The following SAMSN1 variants were observed in gnomAD, a reference collection of about 807,000 sequenced individuals.
SAMSN1 encodes the protein SAM domain, SH3 domain and nuclear localization signals 1, also known as SAM domain-containing protein SAMSN-1.
A neutral mutation model predicts 42.0 loss-of-function variants in SAMSN1; 31 were observed. That is an observed-to-expected ratio of 0.74 (90% CI 0.55 to 1.00). The LOEUF is 1.00. SAMSN1 is among the 50% of genes least tolerant of loss of function. The pLI is 0.00. For missense variants in SAMSN1, 464 were observed against 439.4 expected, an observed-to-expected ratio of 1.06 and a Z score of -0.50; for synonymous variants, 178 against 151.9, an observed-to-expected ratio of 1.17 and a Z score of -1.26.
At chr21:14,625,180 G>T (rs992629211) in intron 2 of SAMSN1, among the ~76,000 whole-genome samples, 2 of 152,036 alleles carry the variant, frequency 1.3e-5, no homozygotes, top group African/African-American at 4.8e-5. Flanking sequence ...CATACTGAAT[G>T]GGCAAAAACT....
At chr21:14,657,899 C>T (rs1018061272) in intron 1 of SAMSN1, among the ~76,000 whole-genome samples, 1 of 151,762 alleles carries the variant, frequency 6.6e-6, no homozygotes, top group Non-Finnish European at 1.5e-5. Flanking sequence ...TATGTCAGCA[C>T]CATCTCTACT....
chr21:14,560,827 A>G (rs148689702), intron 2 of SAMSN1, among the ~76,000 whole-genome samples: 5 of 152,318 alleles, frequency 3.3e-5, no homozygotes, highest in African/African-American at 4.8e-5. Flanking sequence ...GCTCTACGCT[A>G]TTGAGCATAG....
chr21:14,593,174 G>C (rs976725751), intron 7 of SAMSN1, among the ~76,000 whole-genome samples: 3 of 152,050 alleles, frequency 2.0e-5, no homozygotes, highest in South Asian at 2.1e-4. Flanking sequence ...GGGGAAGAGA[G>C]AGCTATAAAT....
chr21:14,535,689 G>A (rs1305650162), intron 1 of SAMSN1, among the ~76,000 whole-genome samples: 1 of 152,106 alleles, frequency 6.6e-6, no homozygotes, highest in East Asian at 1.9e-4. Context: ...ATGATGTTTG[G>A]ACACACAGAG....
chr21:14,532,208 C>G (rs1345869189), intron 1 of SAMSN1, among the ~76,000 whole-genome samples: 2 of 152,154 alleles, frequency 1.3e-5, no homozygotes, highest in Non-Finnish European at 2.9e-5. Flanking sequence ...AATAATAAAA[C>G]TGACAGAAAG....
At chr21:14,601,372 C>A (rs138535273) in intron 6 of SAMSN1, among the ~76,000 whole-genome samples, 2,091 of 152,276 alleles carry the variant, frequency 0.014, 15 homozygotes, top group Non-Finnish European at 0.023. Flanking sequence ...CTCACCAAAT[C>A]AGCACTTTAT....
intron 7 of SAMSN1, among the ~76,000 whole-genome samples, chr21:14,487,823 T>C (rs776751755): frequency 3.3e-5 from 5 of 152,130 alleles, no homozygotes; most frequent in Non-Finnish European, 7.4e-5. Flanking sequence ...TTATAACTAG[T>C]TCTAGATATA....
At chr21:14,489,220 G>A (rs978492817) in intron 7 of SAMSN1, among the ~76,000 whole-genome samples, 10 of 152,118 alleles carry the variant, frequency 6.6e-5, no homozygotes, top group African/African-American at 2.2e-4. Flanking sequence ...AATCATCTGG[G>A]CTAACCAGGC....
intron 5 of SAMSN1, among the ~76,000 whole-genome samples, chr21:14,502,887 C>T (rs2123696437): frequency 6.6e-6 from 1 of 152,160 alleles, no homozygotes; most frequent in South Asian, 2.1e-4. Context: ...TATAAATACT[C>T]CATAATATAT....
chr21:14,643,210 C>T (rs1017370237), intron 1 of SAMSN1: 14 of 689,244 alleles, frequency 2.0e-5, no homozygotes, highest in Non-Finnish European at 3.8e-5. Context: ...TTTATACACC[C>T]ACCTTTATAT....
chr21:14,522,489 A>T (rs1216980136), intron 1 of SAMSN1, among the ~76,000 whole-genome samples: 1 of 152,220 alleles, frequency 6.6e-6, no homozygotes, highest in African/African-American at 2.4e-5. Flanking sequence ...TTAGAAAATT[A>T]ATAATGGGAG....
intron 1 of SAMSN1, among the ~76,000 whole-genome samples, chr21:14,533,923 A>G (rs1979428980): frequency 6.6e-6 from 1 of 152,218 alleles, no homozygotes; most frequent in Non-Finnish European, 1.5e-5. Flanking sequence ...CTGTCCAGCC[A>G]AAAGGGATTT....
chr21:14,550,283 T>C (rs769721865), upstream of SAMSN1, among the ~76,000 whole-genome samples: 158 of 152,202 alleles, frequency 1.0e-3, no homozygotes, highest in Non-Finnish European at 2.0e-3. Flanking sequence ...AGTTCCTGTT[T>C]ACTAATTCCT....
chr21:14,641,891 C>T (rs1293042235), intron 2 of SAMSN1, among the ~76,000 whole-genome samples: 3 of 152,116 alleles, frequency 2.0e-5, no homozygotes, highest in African/African-American at 7.2e-5. Flanking sequence ...AAAAACTTTA[C>T]TAATAGTCTA....
intron 2 of SAMSN1, among the ~76,000 whole-genome samples, chr21:14,581,526 T>G (rs1981730388): frequency 6.6e-6 from 1 of 150,800 alleles, no homozygotes; most frequent in Non-Finnish European, 1.5e-5. Flanking sequence ...GCCCGGCTAA[T>G]TTTTTTGTAT....
chr21:14,501,720 G>A, intron 5 of SAMSN1, among the ~76,000 whole-genome samples: 1 of 152,106 alleles, frequency 6.6e-6, no homozygotes, highest in Admixed American at 6.5e-5. Flanking sequence ...GTACACTAAG[G>A]ATAAATTATG....
intron 1 of SAMSN1, among the ~76,000 whole-genome samples, chr21:14,525,566 C>T (rs368565857): frequency 1.5e-3 from 226 of 152,154 alleles, no homozygotes; most frequent in African/African-American, 5.3e-3. Flanking sequence ...CATCAAAAGA[C>T]AACTGGGTAA....
At chr21:14,542,190 C>T (rs925830175) in intron 1 of SAMSN1, among the ~76,000 whole-genome samples, 15 of 152,162 alleles carry the variant, frequency 9.9e-5, no homozygotes, top group African/African-American at 3.4e-4. Flanking sequence ...TCTCCATAAA[C>T]TTTAGCTGGC....
intron 7 of SAMSN1, among the ~76,000 whole-genome samples, chr21:14,491,386 G>A (rs1986678538): frequency 6.6e-6 from 1 of 152,034 alleles, no homozygotes; most frequent in Non-Finnish European, 1.5e-5. Flanking sequence ...GGGATTACAG[G>A]CATAAGCCAC....
Sources: allele counts gnomAD v4.1 joint callset (sites outside exome capture counted in the v4.1 genomes callset), GRCh38; gene constraint gnomAD v4.1.1; transcripts MANE v1.5; gene names NCBI Gene and HGNC (gene_info 2026-07-23, HGNC 2026-07-21).